The following WDR70 variants were observed in gnomAD, a reference collection of about 807,000 sequenced individuals.
WDR70 encodes WD repeat domain 70.
WDR70 carries 53 observed loss-of-function variants against 88.6 expected under a neutral mutation model. The ratio of observed to expected loss-of-function variants is 0.60; its 90% CI spans 0.48 to 0.75. The LOEUF (loss-of-function observed/expected upper bound fraction) is 0.75. WDR70 is among the 30% of genes least tolerant of loss of function. The probability of loss-of-function intolerance (pLI) is 0.00; values close to 1 mark genes in which losing one functional copy is unlikely to be tolerated. For synonymous variants in WDR70, 280 were observed against 270.0 expected, an observed-to-expected ratio of 1.04 and a Z score of -0.36; for missense variants, 610 against 823.2, an observed-to-expected ratio of 0.74 and a Z score of 3.17.
intron 9 of WDR70, among the ~76,000 whole-genome samples, chr5:37,526,642 G>A (rs1296928013): frequency 2.0e-5 from 3 of 152,146 alleles, no homozygotes; most frequent in Non-Finnish European, 4.4e-5. Context: ...GGGCAATGAG[G>A]CAGGAGAAAG....
chr5:37,384,709 A>G (rs906663473), intron 3 of WDR70, among the ~76,000 whole-genome samples: 2 of 147,818 alleles, frequency 1.4e-5, no homozygotes, highest in African/African-American at 4.9e-5. Context: ...TGTCCAGGCC[A>G]GTCTTGAATT....
intron 8 of WDR70, among the ~76,000 whole-genome samples, chr5:37,491,574 C>T (rs961553982): frequency 6.6e-5 from 10 of 152,092 alleles, no homozygotes; most frequent in Admixed American, 5.2e-4. Context: ...TCTCCATTAG[C>T]GGATCTTAGT....
At chr5:37,724,895 A>G (rs1423888333) in intron 15 of WDR70, 39 bp from the exon 16 acceptor site, 2 of 1,562,146 alleles carry the variant, frequency 1.3e-6, no homozygotes, top group African/African-American at 1.4e-5. Flanking sequence ...TGGGAAGGTT[A>G]TTGTTATAAT....
At chr5:37,647,734 T>A (rs1745276900) in intron 10 of WDR70, among the ~76,000 whole-genome samples, 2 of 152,190 alleles carry the variant, frequency 1.3e-5, no homozygotes, top group Non-Finnish European at 2.9e-5. Context: ...TTACTTTGTT[T>A]GTTTCTCCTA....
At chr5:37,684,480 C>G (rs191325270) in intron 10 of WDR70, among the ~76,000 whole-genome samples, 1 of 152,194 alleles carries the variant, frequency 6.6e-6, no homozygotes, top group East Asian at 1.9e-4. Context: ...TTTCTTTTAT[C>G]CTATTTGATG....
At chr5:37,535,641 A>G (rs985009858) in intron 9 of WDR70, among the ~76,000 whole-genome samples, 1 of 152,218 alleles carries the variant, frequency 6.6e-6, no homozygotes, top group African/African-American at 2.4e-5. Context: ...ACAGGTTGTT[A>G]ACATTTTCCA....
intron 8 of WDR70, among the ~76,000 whole-genome samples, chr5:37,509,259 C>T (rs1247009861): frequency 1.3e-5 from 2 of 152,038 alleles, no homozygotes; most frequent in East Asian, 3.8e-4. Context: ...ATGCTCTAAG[C>T]ATTTCTTTAA....
chr5:37,412,544 T>C (rs1193413497), intron 5 of WDR70, among the ~76,000 whole-genome samples: 1 of 152,200 alleles, frequency 6.6e-6, no homozygotes, highest in Non-Finnish European at 1.5e-5. Flanking sequence ...CTATCCTGTT[T>C]CCCATTACTA....
At chr5:37,619,534 A>C (rs774014320) in intron 10 of WDR70, among the ~76,000 whole-genome samples, 28 of 152,216 alleles carry the variant, frequency 1.8e-4, no homozygotes, top group Non-Finnish European at 3.7e-4. Context: ...AAAATAGTAA[A>C]TGTTAAATGT....
chr5:37,637,344 TAAATAAA>T (rs1745000469), intron 10 of WDR70, among the ~76,000 whole-genome samples: 3 of 53,826 alleles, frequency 5.6e-5, no homozygotes, highest in African/African-American at 3.6e-4. Context: ...ATAAATTAAA[TAAATAAA>T]TAAATAAATA....
intron 8 of WDR70, among the ~76,000 whole-genome samples, chr5:37,496,229 C>G (rs1375466790): frequency 6.6e-6 from 1 of 152,206 alleles, no homozygotes; most frequent in Non-Finnish European, 1.5e-5. Context: ...ATAAAGCTGG[C>G]CACCCCAGCC....
intron 8 of WDR70, among the ~76,000 whole-genome samples, chr5:37,495,022 A>G (rs1278667184): frequency 6.6e-6 from 1 of 152,236 alleles, no homozygotes; most frequent in African/African-American, 2.4e-5. Flanking sequence ...TTTGAATTGC[A>G]GTGGTAGAGT....
intron 5 of WDR70, among the ~76,000 whole-genome samples, chr5:37,408,313 A>C (rs1749415881): frequency 6.6e-6 from 1 of 152,110 alleles, no homozygotes; most frequent in Non-Finnish European, 1.5e-5. Flanking sequence ...CTCTACTAAA[A>C]ATATAAAAAA....
chr5:37,643,742 A>T (rs1745163300), intron 10 of WDR70, among the ~76,000 whole-genome samples: 2 of 151,910 alleles, frequency 1.3e-5, no homozygotes, highest in South Asian at 4.2e-4. Context: ...TTTTATTTGT[A>T]GCTCTTGTAA....
At chr5:37,611,324 G>T (rs757950747) in intron 10 of WDR70, among the ~76,000 whole-genome samples, 5 of 151,434 alleles carry the variant, frequency 3.3e-5, no homozygotes, top group African/African-American at 4.9e-5. Context: ...TTGCTTTTGG[G>T]ATATTCTTAT....
chr5:37,707,500 A>C (rs1430508013), intron 13 of WDR70, among the ~76,000 whole-genome samples: 1 of 152,242 alleles, frequency 6.6e-6, no homozygotes, highest in African/African-American at 2.4e-5. Context: ...TTAAAAAACT[A>C]AACCTTTATT....
chr5:37,730,259 A>G (rs1162746504), intron 17 of WDR70, among the ~76,000 whole-genome samples: 1 of 152,174 alleles, frequency 6.6e-6, no homozygotes, highest in Non-Finnish European at 1.5e-5. Context: ...ATTTAACTTT[A>G]AATGAACTTT....
intron 9 of WDR70, among the ~76,000 whole-genome samples, chr5:37,580,020 A>G (rs575333609): frequency 1.8e-4 from 27 of 152,206 alleles, no homozygotes; most frequent in Non-Finnish European, 2.5e-4. Flanking sequence ...TCAAAAATTT[A>G]TATCTTATCT....
intron 9 of WDR70, among the ~76,000 whole-genome samples, chr5:37,589,234 ATATACC>A (rs1336118553): frequency 2.4e-4 from 31 of 130,832 alleles, no homozygotes; most frequent in African/African-American, 9.3e-4. Flanking sequence ...ATACATACAT[ATATACC>A]TACACACATA....
Sources: allele counts gnomAD v4.1 joint callset (sites outside exome capture counted in the v4.1 genomes callset), GRCh38; gene constraint gnomAD v4.1.1; transcripts MANE v1.5; gene names NCBI Gene and HGNC (gene_info 2026-07-23, HGNC 2026-07-21).